The following IGF2R variants were observed in gnomAD, a reference collection of about 807,000 sequenced individuals.
IGF2R encodes the protein cation-independent mannose-6-phosphate receptor.
Under a neutral mutation model 270.6 loss-of-function variants are expected in IGF2R, and 91 were observed. The ratio of observed to expected loss-of-function variants is 0.34; its 90% confidence interval spans 0.28 to 0.40. The LOEUF (loss-of-function observed/expected upper bound fraction) is 0.40, where lower values mean the gene tolerates loss of function less well. Among genes scored for constraint, IGF2R ranks in the 10% least tolerant of loss-of-function variants. IGF2R has a pLI of 1.00. For synonymous variants in IGF2R, 1,316 were observed against 1,258.9 expected, an observed-to-expected ratio of 1.05 and a Z score of -0.96; for missense variants, 2,805 against 3,188.3, an observed-to-expected ratio of 0.88 and a Z score of 2.90.
intron 39 of IGF2R, among the ~76,000 whole-genome samples, chr6:160,081,340 A>C (rs918617787): frequency 6.6e-6 from 1 of 152,118 alleles, no homozygotes; most frequent in Non-Finnish European, 1.5e-5. Flanking sequence ...GAGCCGCAAA[A>C]CCAGCAAGTT....
intron 1 of IGF2R, among the ~76,000 whole-genome samples, chr6:159,980,219 G>GAAAGAAAGAAAGAAAGAAAGA: frequency 8.7e-6 from 1 of 115,146 alleles, no homozygotes; most frequent in Non-Finnish European, 2.0e-5. Flanking sequence ...AAGAAAGAAA[G>GAAAGAAAGAAAGAAAGAAAGA]AAAGAAAGAA....
At chr6:160,053,058 C>T (rs1460465423) in intron 19 of IGF2R, among the ~76,000 whole-genome samples, 1 of 152,190 alleles carries the variant, frequency 6.6e-6, no homozygotes, top group Non-Finnish European at 1.5e-5. Context: ...AAAGCAATGG[C>T]AACAAAAGCC....
intron 10 of IGF2R, among the ~76,000 whole-genome samples, chr6:160,036,052 T>C (rs1426001699): frequency 6.6e-6 from 1 of 152,164 alleles, no homozygotes; most frequent in Non-Finnish European, 1.5e-5. Context: ...GGAATGTGGC[T>C]GAAGATGACC....
At chr6:160,068,068 GT>G (rs1562365511) in intron 29 of IGF2R, among the ~76,000 whole-genome samples, 180 bp from the exon 30 acceptor site, 204 of 39,978 alleles carry the variant, frequency 5.1e-3, no homozygotes, top group Middle Eastern at 0.019. Flanking sequence ...GATGGGGGGT[GT>G]GTGTGTGTGT....
chr6:160,024,841 A>C (rs1376613829), intron 5 of IGF2R, 137 bp downstream of exon 5: 6 of 973,040 alleles, frequency 6.2e-6, no homozygotes, highest in Non-Finnish European at 9.0e-6. Context: ...TTTTGTCCCC[A>C]AAAATGTTCT....
chr6:159,984,419 CCACT>C (rs1562332217), intron 1 of IGF2R, among the ~76,000 whole-genome samples: 1 of 152,186 alleles, frequency 6.6e-6, no homozygotes, highest in African/African-American at 2.4e-5. Flanking sequence ...GCCTTTAGGT[CCACT>C]CACTCACTGA....
rs768794600 is a variant in IGF2R, at chr6:160,102,712, G to T, written c.6995+41G>T. 3.2e-5 allele frequency: 50 copies of T among 1,542,636 alleles called. No individual in the cohort carries two copies. Among genetic ancestry groups the T allele is most frequent in the Non-Finnish European group, 4.1e-5 (47 of 1,135,980 alleles). On this transcript the variant is annotated intron_variant, in intron 46 of 47. Coordinates refer to ENST00000356956, the MANE Select transcript of IGF2R (RefSeq NM_000876.4). This position sits in a 1 kb window ranked among gnomAD's most constrained non-coding sequence, Gnocchi z 4.5. ...GGCGAGGTGGGGCGGGTGGATGCAT[G>T]CCTCCCATAGCTAATCTTGGGGTCA...
At chr6:160,093,536 C>T (rs1057203418) in intron 44 of IGF2R, 13 of 614,544 alleles carry the variant, frequency 2.1e-5, no homozygotes, top group South Asian at 3.4e-5. Context: ...GCAACCTGGA[C>T]AAAGGAGAGA....
At chr6:160,009,347 T>G (rs551582218) in intron 3 of IGF2R, among the ~76,000 whole-genome samples, 96 of 152,356 alleles carry the variant, frequency 6.3e-4, no homozygotes, top group African/African-American at 2.2e-3. Flanking sequence ...AGACCATGTC[T>G]TTTGTAAAAC....
chr6:160,062,081 C>T (rs1202978935), intron 25 of IGF2R, among the ~76,000 whole-genome samples, 153 bp downstream of exon 25: 1 of 151,478 alleles, frequency 6.6e-6, no homozygotes, highest in Non-Finnish European at 1.5e-5. Context: ...GCACTCATTT[C>T]TTCAGGTCTT....
chr6:160,044,527 T>C lies in IGF2R; in HGVS notation c.1635T>C (p.Ser545=). The change falls in exon 13 of 48, where the codon AGT becomes AGC. Residue 545 remains serine, a synonymous_variant. Coordinates refer to ENST00000356956, the MANE Select transcript of IGF2R (RefSeq NM_000876.4). ...TTTCTCTTCCAGATAAAAATGGAAG[T>C]AAAAATCTGGGAAAATTTATTTCCT... The part of the protein sequence containing the change: ...AAVCAVDKNG[S]KNLGKFISSP... 2 of 1,605,686 alleles carry C rather than the reference T, an allele frequency of 1.2e-6. No individual in the cohort carries two copies. The highest frequency in any genetic ancestry group is 1.1e-5 in the South Asian group (1 of 89,484).
At chr6:159,972,387 A>G (rs1223851214) in intron 1 of IGF2R, among the ~76,000 whole-genome samples, 1 of 152,204 alleles carries the variant, frequency 6.6e-6, no homozygotes, top group African/African-American at 2.4e-5. Context: ...TTCCATTGAT[A>G]GTATTCTTGT....
chr6:160,072,700 A>T, intron 32 of IGF2R, 65 bp from the exon 33 acceptor site: 5 of 1,595,668 alleles, frequency 3.1e-6, no homozygotes, highest in Non-Finnish European at 3.4e-6. Context: ...GAGCTCGCCG[A>T]TGATGAGCCT....
chr6:159,992,710 A>G (rs1783998396), intron 2 of IGF2R, among the ~76,000 whole-genome samples: 1 of 152,152 alleles, frequency 6.6e-6, no homozygotes, highest in African/African-American at 2.4e-5. Context: ...AATTATGGAT[A>G]GTGCTGTGAT....
intron 4 of IGF2R, among the ~76,000 whole-genome samples, 153 bp downstream of exon 4, chr6:160,010,938 T>G (rs1784324332): frequency 6.6e-6 from 1 of 152,200 alleles, no homozygotes; most frequent in Admixed American, 6.5e-5. Context: ...TTTTAAAACT[T>G]TTCTGAGTGG....
At chr6:160,045,952 T>C in intron 14 of IGF2R, 70 bp downstream of exon 14, 1 of 1,361,596 alleles carries the variant, frequency 7.3e-7, no homozygotes, top group East Asian at 2.6e-5. Context: ...CTTAACATTC[T>C]GTGTGAGGTT....
At chr6:160,100,153 A>G (rs935303961) in intron 45 of IGF2R, among the ~76,000 whole-genome samples, 57 of 152,328 alleles carry the variant, frequency 3.7e-4, no homozygotes, top group African/African-American at 9.9e-4. Flanking sequence ...ATAAATCTAA[A>G]TATATCTATA....
At position 160,054,651 on chromosome 6, in the gene IGF2R, A is replaced by G. The variant is rs145448621; in HGVS notation, c.2695-1773A>G. ...CCACCCCGTCATGGACAGGAATGCA[A>G]TTTTTAAGTTTCTCTGGAGTCCCCT... On this transcript the variant is annotated intron_variant, in intron 19 of 47. Transcript: ENST00000356956. Among the ~76,000 whole-genome samples, 657 of 152,262 alleles carry G rather than the reference A, an allele frequency of 4.3e-3. 5 individuals are homozygous for G. Among genetic ancestry groups the G allele is most frequent in the African/African-American group, 0.015 (626 of 41,540 alleles).
intron 1 of IGF2R, among the ~76,000 whole-genome samples, chr6:159,974,817 C>A (rs1783664065): frequency 6.6e-6 from 1 of 152,184 alleles, no homozygotes; most frequent in African/African-American, 2.4e-5. Context: ...TGGCCTACCC[C>A]AAGGTCTCAA....
Sources: gnomAD v4.1 joint callset for allele counts (sites outside exome capture counted in the v4.1 genomes callset) on GRCh38, gnomAD v4.1.1 for gene constraint, Gnocchi (gnomAD v3.1) non-coding constraint, MANE v1.5 for transcripts, NCBI Gene and HGNC (gene_info 2026-07-23, HGNC 2026-07-21) for gene names.